Variants in CABIN1 observed in about 807,000 individuals in gnomAD.
CABIN1 encodes calcineurin-binding protein cabin-1.
In CABIN1, 133 loss-of-function variants were observed where a neutral mutation model predicts 227.7. The observed-to-expected ratio is 0.58, with a 90% CI of 0.51 to 0.67. The LOEUF (loss-of-function observed/expected upper bound fraction) is 0.67. Among genes scored for constraint, CABIN1 ranks in the 30% least tolerant of loss-of-function variants. CABIN1 has a pLI of 0.00. For missense variants in CABIN1, 2,408 were observed against 2,852.5 expected (o/e 0.84, Z 3.55); for synonymous variants, 1,086 against 1,155.1 (o/e 0.94, Z 1.21).
At chr22:24,130,713 G>A (rs1177878837) in intron 28 of CABIN1, among the ~76,000 whole-genome samples, 1 of 152,106 alleles carries the variant, frequency 6.6e-6, no homozygotes, top group Non-Finnish European at 1.5e-5. Flanking sequence ...CTCCCTGTCA[G>A]CACCTATCTG....
intron 26 of CABIN1, among the ~76,000 whole-genome samples, chr22:24,099,401 G>C (rs2042081089): frequency 6.6e-6 from 1 of 152,154 alleles, no homozygotes; most frequent in Admixed American, 6.5e-5. Flanking sequence ...CATGCGTGTT[G>C]AGAGAGGCTG....
At chr22:24,104,457 C>T (rs1042831752) in intron 26 of CABIN1, among the ~76,000 whole-genome samples, 2 of 152,224 alleles carry the variant, frequency 1.3e-5, no homozygotes, top group African/African-American at 4.8e-5. Flanking sequence ...GGTGTCTACA[C>T]ATATCAGGCT....
chr22:24,144,214 A>T (rs1330669959), intron 29 of CABIN1, among the ~76,000 whole-genome samples: 1 of 152,212 alleles, frequency 6.6e-6, no homozygotes, highest in Non-Finnish European at 1.5e-5. Context: ...GGAAATTCAG[A>T]GGTCACATCT....
At chr22:24,155,677 C>T (rs1646121698) in intron 29 of CABIN1, among the ~76,000 whole-genome samples, 1 of 152,262 alleles carries the variant, frequency 6.6e-6, no homozygotes, top group Non-Finnish European at 1.5e-5. Flanking sequence ...GCACTACTGG[C>T]ACAACTCCAG....
chr22:24,135,389 T>TAA (rs34701900), intron 29 of CABIN1, among the ~76,000 whole-genome samples: 1 of 146,962 alleles, frequency 6.8e-6, no homozygotes, highest in Non-Finnish European at 1.5e-5. Flanking sequence ...GACTCCCTCT[T>TAA]AAAAAAAAAA....
rs1009975268 is a variant in CABIN1, at chr22:24,175,779, C to G, written c.6041-332C>G. Reference sequence around the variant, plus strand: ...TGGAGGGAGAGTGGACACTGCCCCCCCATCCCCTCTCACTGCCTTGTGATG... The same window carrying G: ...TGGAGGGAGAGTGGACACTGCCCCCGCATCCCCTCTCACTGCCTTGTGATG... On this transcript the variant is annotated intron_variant, in intron 34 of 36. Transcript: ENST00000263119. The G allele has an allele frequency of 3.3e-5, 15 of 454,444 alleles. 1 individual carries two copies. The East Asian group carries it at 5.2e-4, about 16-fold the overall frequency. The allele number at this position is 454,444 out of a possible 1,614,324, so 28.2% of individuals were successfully genotyped here. A position where few individuals can be genotyped will look rare whatever the true frequency, so the allele number is the denominator to read the frequency against.
intron 29 of CABIN1, among the ~76,000 whole-genome samples, chr22:24,148,035 G>A (rs1007154302): frequency 1.4e-4 from 22 of 152,174 alleles, no homozygotes; most frequent in African/African-American, 5.1e-4. Context: ...GACCTGGCAG[G>A]GGCAGGGACT....
chr22:24,081,061 C>G (rs1010721734), intron 19 of CABIN1, among the ~76,000 whole-genome samples: 1 of 152,084 alleles, frequency 6.6e-6, no homozygotes, highest in Non-Finnish European at 1.5e-5. Context: ...GAAAAGCAGT[C>G]GTAGATATTA....
chr22:24,041,028 A>C, intron 4 of CABIN1, 111 bp from the exon 5 acceptor site: 1 of 1,289,790 alleles, frequency 7.8e-7, no homozygotes, highest in Non-Finnish European at 1.1e-6. Context: ...GGACAACACT[A>C]GACTGGCTCA....
intron 29 of CABIN1, among the ~76,000 whole-genome samples, chr22:24,160,966 C>T (rs2046119234): frequency 1.3e-5 from 2 of 152,206 alleles, no homozygotes; most frequent in South Asian, 4.1e-4. Flanking sequence ...TCATGCCCTC[C>T]CTCTGTGGAC....
chr22:24,147,612 C>T (rs2045232471), intron 29 of CABIN1, among the ~76,000 whole-genome samples: 3 of 151,874 alleles, frequency 2.0e-5, no homozygotes, highest in South Asian at 2.1e-4. Context: ...CCACACCCAG[C>T]GCACATCTTT....
chr22:24,063,972 G>T, intron 14 of CABIN1, 63 bp from the exon 15 acceptor site: 1 of 1,604,582 alleles, frequency 6.2e-7, no homozygotes. Context: ...GTGGTGTAAA[G>T]CATCTGGCAC....
chr22:24,064,880 G>A (rs997711788), intron 15 of CABIN1, among the ~76,000 whole-genome samples: 2 of 140,520 alleles, frequency 1.4e-5, no homozygotes, highest in African/African-American at 5.3e-5. Context: ...ATTTTTCTTA[G>A]TACAGAACAA....
intron 29 of CABIN1, chr22:24,156,032 G>A: frequency 3.6e-6 from 2 of 560,160 alleles, no homozygotes; most frequent in Non-Finnish European, 6.3e-6. Context: ...ATGGCCCGGC[G>A]CTCGCCCTAG....
chr22:24,178,014 G>C, intron 36 of CABIN1, 39 bp from the exon 37 acceptor site: 1 of 1,611,672 alleles, frequency 6.2e-7, no homozygotes, highest in Middle Eastern at 1.9e-4. Context: ...GCAGAGCCCA[G>C]CCATCCTTGA....
rs969104543 is a variant in CABIN1 at position 24,093,878 on chromosome 22, TA to T, written c.3787-2040del. Among the ~76,000 whole-genome samples, 437 of 145,172 alleles carry T rather than the reference TA, an allele frequency of 3.0e-3. 4 individuals are homozygous for T. Among genetic ancestry groups the T allele is most frequent in the African/African-American group, 8.4e-3 (335 of 39,768 alleles). On this transcript the variant is annotated intron_variant, in intron 24 of 36. Transcript: ENST00000263119. ...CTGGGAGACAGAGTGAGACCTTGTC[TA>T]AAAAAAAAAAAATTAAATTTGCCTG... is the stretch of plus-strand genomic sequence containing the variant.
chr22:24,059,100 AC>A, intron 10 of CABIN1, 126 bp from the exon 11 acceptor site: 8 of 1,197,314 alleles, frequency 6.7e-6, no homozygotes, highest in African/African-American at 1.5e-5. Flanking sequence ...TGGGTTCTGG[AC>A]CCCACCACCC....
At chr22:24,103,589 C>T (rs2042338433) in intron 26 of CABIN1, among the ~76,000 whole-genome samples, 1 of 152,090 alleles carries the variant, frequency 6.6e-6, no homozygotes, top group South Asian at 2.1e-4. Context: ...AGTGCCATTC[C>T]TAAACAGACC....
intron 14 of CABIN1, among the ~76,000 whole-genome samples, chr22:24,063,830 A>T (rs2039379326): frequency 6.6e-6 from 1 of 152,232 alleles, no homozygotes. Context: ...CCCCTCGCAG[A>T]GTTGACATGG....
Sources: allele counts gnomAD v4.1 joint callset (sites outside exome capture counted in the v4.1 genomes callset), GRCh38; gene constraint gnomAD v4.1.1; transcripts MANE v1.5; gene names NCBI Gene and HGNC (gene_info 2026-07-23, HGNC 2026-07-21).